The following GLI2 variants were observed in gnomAD, a reference collection of about 807,000 sequenced individuals.
The protein encoded by GLI2 is GLI family zinc finger 2, also known as transcription activator GLI2.
GLI2 carries 22 observed loss-of-function variants against 78.9 expected under a neutral mutation model. The ratio of observed to expected loss-of-function variants is 0.28; its 90% CI spans 0.20 to 0.40. The LOEUF (loss-of-function observed/expected upper bound fraction) is 0.40, where lower values mean the gene tolerates loss of function less well. GLI2 is among the 10% of genes least tolerant of loss of function. GLI2 has a pLI of 1.00. For synonymous variants in GLI2, 974 were observed against 963.7 expected, an observed-to-expected ratio of 1.01 and a Z score of -0.20; for missense variants, 2,097 against 2,213.2, an observed-to-expected ratio of 0.95 and a Z score of 1.05.
At chr2:120,975,581 A>G (rs1398112234) in intron 9 of GLI2, among the ~76,000 whole-genome samples, 3 of 152,210 alleles carry the variant, frequency 2.0e-5, no homozygotes, top group African/African-American at 7.2e-5. Context: ...GACTATTCAC[A>G]GATACCCAGT....
chr2:120,741,636 G>A (rs1682546534), intron 1 of GLI2, among the ~76,000 whole-genome samples: 1 of 151,876 alleles, frequency 6.6e-6, no homozygotes, highest in Non-Finnish European at 1.5e-5. Context: ...CCCGCCGTCT[G>A]GACCTTCCTC....
intron 1 of GLI2, among the ~76,000 whole-genome samples, chr2:120,787,284 A>G (rs1684023699): frequency 6.6e-6 from 1 of 152,208 alleles, no homozygotes; most frequent in African/African-American, 2.4e-5. Context: ...ATCCTGAGGC[A>G]GGGCCTTGGG....
chr2:120,738,563 G>A lies in GLI2; in HGVS notation c.-31+2278G>A, dbSNP rs79936341. On this transcript the variant is annotated intron_variant, in intron 1 of 13. Coordinates refer to ENST00000361492, the MANE Select transcript of GLI2 (RefSeq NM_001374353.1). ...AAGATCCTGCATTTGAAAGAGCCCA[G>A]CTGCCCAGGAGGTATCCCTCAGGTG... is the stretch of plus-strand genomic sequence containing the variant. Among the ~76,000 whole-genome samples, 1,120 of 152,342 alleles carry A rather than the reference G, an allele frequency of 7.4e-3. 17 individuals are homozygous for A. Among genetic ancestry groups the A allele is most frequent in the African/African-American group, 0.026 (1,062 of 41,576 alleles).
chr2:120,946,050 T>C (rs1354795798), intron 3 of GLI2, among the ~76,000 whole-genome samples: 1 of 151,832 alleles, frequency 6.6e-6, no homozygotes, highest in Middle Eastern at 3.2e-3. Context: ...ATGCACTACC[T>C]CGTGAACTCC....
chr2:120,779,073 C>G (rs527524681), intron 1 of GLI2, among the ~76,000 whole-genome samples: 1 of 152,328 alleles, frequency 6.6e-6, no homozygotes, highest in Non-Finnish European at 1.5e-5. Flanking sequence ...TATACCCACA[C>G]CCTTCCCATG....
chr2:120,743,281 C>T (rs1475238381), intron 1 of GLI2, among the ~76,000 whole-genome samples: 1 of 152,148 alleles, frequency 6.6e-6, no homozygotes, highest in East Asian at 1.9e-4. Context: ...TGATGTGCCG[C>T]CTCCCCGCTC....
At chr2:120,755,197 T>G (rs1683004798) in intron 1 of GLI2, among the ~76,000 whole-genome samples, 2 of 152,248 alleles carry the variant, frequency 1.3e-5, no homozygotes, top group African/African-American at 4.8e-5. Flanking sequence ...AAAGCAGCTG[T>G]ACCATTTTAT....
At chr2:120,832,986 G>C (rs1401291583) in intron 2 of GLI2, among the ~76,000 whole-genome samples, 1 of 152,064 alleles carries the variant, frequency 6.6e-6, no homozygotes, top group African/African-American at 2.4e-5. Flanking sequence ...TTGTGCTCAG[G>C]GACCAGGTCA....
At chr2:120,850,721 G>C (rs1436303598) in intron 2 of GLI2, among the ~76,000 whole-genome samples, 3 of 152,188 alleles carry the variant, frequency 2.0e-5, no homozygotes. Flanking sequence ...CCAGAAGAGG[G>C]CTGCAGCCCT....
chr2:120,783,429 CA>C (rs1182368420), intron 1 of GLI2, among the ~76,000 whole-genome samples: 1 of 152,118 alleles, frequency 6.6e-6, no homozygotes, highest in African/African-American at 2.4e-5. Context: ...ATTGGATTTG[CA>C]GGCTCCGTGT....
At chr2:120,756,834 A>G (rs1683045905) in intron 1 of GLI2, among the ~76,000 whole-genome samples, 1 of 152,102 alleles carries the variant, frequency 6.6e-6, no homozygotes, top group Non-Finnish European at 1.5e-5. Context: ...ATGTCTTTAA[A>G]TATTTCTTCT....
intron 2 of GLI2, among the ~76,000 whole-genome samples, chr2:120,886,793 C>T (rs987397182): frequency 1.3e-5 from 2 of 152,218 alleles, no homozygotes; most frequent in African/African-American, 4.8e-5. Context: ...CCCCAAGGAA[C>T]CCCAGACGTT....
rs200831069 is a variant in GLI2, at chr2:120,988,216, C to T, written c.2251C>T (p.Leu751=). ...LPPLPGSGSI[L]ENFSGSGGGG... ...CCTCTGCTCTCCCGCAGGCTCCATC[C>T]TGGAAAACTTCAGTGGCAGTGGGGG... The change falls in exon 14 of 14, where the codon CTG becomes TTG. Residue 751 remains leucine (L), a synonymous_variant. Coordinates refer to ENST00000361492, the MANE Select transcript of GLI2 (RefSeq NM_001374353.1). 797 of 1,589,728 alleles carry T rather than the reference C, an allele frequency of 5.0e-4. No homozygotes were observed. Among genetic ancestry groups the T allele is most frequent in the Non-Finnish European group, 6.5e-4 (758 of 1,171,262 alleles).
At chr2:120,933,258 C>T (rs1401613824) in intron 3 of GLI2, among the ~76,000 whole-genome samples, 1 of 152,190 alleles carries the variant, frequency 6.6e-6, no homozygotes, top group African/African-American at 2.4e-5. Flanking sequence ...GCACCCTTCC[C>T]GGTCACTTAA....
At position 120,749,850 on chromosome 2, in the gene GLI2, G is replaced by A. The variant is rs541678491; in HGVS notation, c.-31+13565G>A. Reference sequence around the variant, plus strand: ...AGGGGGGCCTTGGAGACCAAGTGCCGCATCAGCCCCCACCACTAGGTATAG... The same window carrying A: ...AGGGGGGCCTTGGAGACCAAGTGCCACATCAGCCCCCACCACTAGGTATAG... On this transcript the variant is annotated intron_variant, in intron 1 of 13. Transcript: ENST00000361492. Among the ~76,000 whole-genome samples, 58 of 152,208 alleles carry A rather than the reference G, an allele frequency of 3.8e-4. 1 individual carries two copies. Among genetic ancestry groups the A allele is most frequent in the Non-Finnish European group, 4.9e-4 (33 of 68,024 alleles).
rs1000889100 is a variant in GLI2, at chr2:120,758,850, G to A, written c.-31+22565G>A. On this transcript the variant is annotated intron_variant, in intron 1 of 13. Transcript: ENST00000361492. ...AGAGACTGGCCACTCCTACCATCTCGTTGCACAGAAGGGGAGGGGCAGTGG... is the reference window on the plus strand; with the variant it reads ...AGAGACTGGCCACTCCTACCATCTCATTGCACAGAAGGGGAGGGGCAGTGG... Among the ~76,000 whole-genome samples the A allele has an allele frequency of 1.2e-4, 19 of 152,280 alleles. No homozygotes were observed. The East Asian group carries it at 1.9e-3, about 16-fold the overall frequency.
chr2:120,750,588 A>G (rs577692440), intron 1 of GLI2, among the ~76,000 whole-genome samples: 4 of 152,374 alleles, frequency 2.6e-5, no homozygotes, highest in Admixed American at 1.3e-4. Context: ...CTTGGTTGTT[A>G]TTATTAAAAA....
chr2:120,826,107 G>A (rs1012806976), intron 2 of GLI2, among the ~76,000 whole-genome samples: 2 of 151,736 alleles, frequency 1.3e-5, no homozygotes, highest in African/African-American at 2.4e-5. Context: ...AGACAGCTGC[G>A]AGGCTTCCAA....
chr2:120,988,379 G>C lies in GLI2; in HGVS notation c.2414G>C (p.Arg805Pro). ...AGCTCGGCCTACACCGTGAGCCGCC[G>C]CTCCTCCGGCATCTCCCCCTACTTC... is the stretch of plus-strand genomic sequence containing the variant. ...TVSSAYTVSR[R>P]SSGISPYFSS... is the part of the protein sequence containing the mutation. Residue 805 changes from arginine to proline, a missense_variant, in exon 14 of 14, where the codon CGC becomes CCC. Arg to Pro is a moderately radical substitution (Grantham distance 103, BLOSUM62 -2). Coordinates refer to ENST00000361492, the MANE Select transcript of GLI2 (RefSeq NM_001374353.1). The C allele has an allele frequency of 6.4e-7, 1 of 1,570,046 alleles. No homozygotes were observed. Among genetic ancestry groups the C allele is most frequent in the African/African-American group, 1.4e-5 (1 of 72,288 alleles).
Sources: allele counts gnomAD v4.1 joint callset (sites outside exome capture counted in the v4.1 genomes callset), GRCh38; gene constraint gnomAD v4.1.1; transcripts MANE v1.5; gene names NCBI Gene and HGNC (gene_info 2026-07-23, HGNC 2026-07-21).